Variants in ADAM32 observed in about 807,000 individuals in gnomAD.
ADAM32 encodes the protein ADAM metallopeptidase domain 32, also known as disintegrin and metalloproteinase domain-containing protein 32.
A neutral mutation model predicts 114.9 loss-of-function variants in ADAM32; 89 were observed. The ratio of observed to expected loss-of-function variants is 0.77; its 90% CI spans 0.65 to 0.92. The LOEUF (loss-of-function observed/expected upper bound fraction) is 0.92. ADAM32 is among the 40% of genes least tolerant of loss of function. The pLI is 0.00. For synonymous variants in ADAM32, 285 were observed against 307.5 expected (o/e 0.93, Z 0.77); for missense variants, 870 against 932.8 (o/e 0.93, Z 0.88).
chr8:39,129,260 AAG>A (rs1233117921), intron 2 of ADAM32, among the ~76,000 whole-genome samples: 3 of 151,836 alleles, frequency 2.0e-5, no homozygotes, highest in Non-Finnish European at 4.4e-5. Context: ...TGGAAATGGT[AAG>A]AGGGGGCATT....
At chr8:39,226,268 C>T (rs905486382) in intron 14 of ADAM32, among the ~76,000 whole-genome samples, 1 of 151,976 alleles carries the variant, frequency 6.6e-6, no homozygotes, top group Non-Finnish European at 1.5e-5. Flanking sequence ...AGAAAGCTAA[C>T]ATTCTCATTA....
chr8:39,140,740 C>G (rs945194555), intron 3 of ADAM32, among the ~76,000 whole-genome samples: 4 of 152,144 alleles, frequency 2.6e-5, no homozygotes, highest in Non-Finnish European at 4.4e-5. Context: ...ACCAGCTACT[C>G]TTTGTACCTC....
chr8:39,216,770 T>C (rs1808596745), intron 12 of ADAM32, among the ~76,000 whole-genome samples: 1 of 151,782 alleles, frequency 6.6e-6, no homozygotes, highest in Non-Finnish European at 1.5e-5. Context: ...TTTTCAACTT[T>C]TTGTTTTTTC....
intron 13 of ADAM32, among the ~76,000 whole-genome samples, chr8:39,222,496 T>C (rs1008394521): frequency 6.6e-6 from 1 of 152,070 alleles, no homozygotes; most frequent in African/African-American, 2.4e-5. Flanking sequence ...CACAATTCTA[T>C]GTATGAAAGA....
chr8:39,275,970 G>A (rs1585705785), intron 22 of ADAM32, 104 bp downstream of exon 22: 2 of 1,092,418 alleles, frequency 1.8e-6, no homozygotes, highest in Non-Finnish European at 2.6e-6. Flanking sequence ...TAACTGAGTA[G>A]CCACAATTAG....
At chr8:39,274,793 G>A (rs1812972916) in intron 21 of ADAM32, among the ~76,000 whole-genome samples, 1 of 152,180 alleles carries the variant, frequency 6.6e-6, no homozygotes, top group Non-Finnish European at 1.5e-5. Context: ...CAACATCAGA[G>A]AGCAATGCAT....
chr8:39,284,810 A>G lies in ADAM32; in HGVS notation c.*11A>G. The G allele has an allele frequency of 6.2e-7, 1 of 1,613,782 alleles. No homozygotes were observed. Among genetic ancestry groups the G allele is most frequent in the Non-Finnish European group, 8.5e-7 (1 of 1,179,742 alleles). On this transcript the variant is annotated 3_prime_UTR_variant, in exon 25 of 25. Transcript: ENST00000379907. ...TTCCACAGTAACTAGTGATTCCTTC[A>G]GAAGGCAACGGATAACATCGAGAGT...
chr8:39,107,874 C>G, intron 1 of ADAM32, 41 bp downstream of exon 1: 2 of 1,496,646 alleles, frequency 1.3e-6, no homozygotes, highest in South Asian at 1.3e-5. Flanking sequence ...GGGCGCTCGT[C>G]ACACTGCGGC....
At chr8:39,151,293 AT>A (rs903671749) in intron 5 of ADAM32, 83 bp from the exon 6 acceptor site, 85 of 1,196,462 alleles carry the variant, frequency 7.1e-5, no homozygotes, top group Admixed American at 1.1e-4. Flanking sequence ...AAAACGTTTT[AT>A]TTTTTTTTCT....
At chr8:39,234,371 A>G (rs111817166) in intron 16 of ADAM32, among the ~76,000 whole-genome samples, 2,842 of 150,400 alleles carry the variant, frequency 0.019, 47 homozygotes, top group Non-Finnish European at 0.031. Context: ...TAAGAACCTC[A>G]TAGCATGGGA....
intron 2 of ADAM32, among the ~76,000 whole-genome samples, chr8:39,128,736 C>T (rs773533767): frequency 1.9e-4 from 29 of 152,170 alleles, no homozygotes; most frequent in Non-Finnish European, 3.2e-4. Context: ...TCAGCATTTG[C>T]TTGTCTGGAA....
chr8:39,184,496 T>C (rs1806098351), intron 10 of ADAM32, among the ~76,000 whole-genome samples: 1 of 152,250 alleles, frequency 6.6e-6, no homozygotes, highest in Non-Finnish European at 1.5e-5. Context: ...TCCATAAGCC[T>C]GCACTTAGAC....
chr8:39,113,255 G>A (rs188768646), intron 1 of ADAM32, among the ~76,000 whole-genome samples: 31 of 152,274 alleles, frequency 2.0e-4, no homozygotes, highest in African/African-American at 7.2e-4. Flanking sequence ...AGGCCTAGGC[G>A]AGCTGCCAGA....
At position 39,235,614 on chromosome 8, in the gene ADAM32, G is replaced by T. The variant is rs535065662; in HGVS notation, c.1818+1532G>T. ...TTAATAACCCAGACAATTCTTCTCA[G>T]AAATAATGTGTAAAAACAAATTTTA... On this transcript the variant is annotated intron_variant, in intron 16 of 24. Transcript: ENST00000379907. Among the ~76,000 whole-genome samples the T allele has an allele frequency of 3.8e-4, 58 of 152,194 alleles. No homozygotes were observed. In the East Asian group the frequency reaches 0.01, roughly 27 times the overall value.
At chr8:39,221,330 T>C (rs1808944898) in intron 12 of ADAM32, 2 of 291,986 alleles carry the variant, frequency 6.8e-6, no homozygotes, top group Admixed American at 4.8e-5. Context: ...TAGCATATAG[T>C]GAGGTCTCGC....
intron 11 of ADAM32, among the ~76,000 whole-genome samples, chr8:39,206,648 A>C (rs1318143430): frequency 6.6e-6 from 1 of 152,118 alleles, no homozygotes; most frequent in Non-Finnish European, 1.5e-5. Flanking sequence ...CCTTGAGGTC[A>C]CCTTCTTGGT....
At chr8:39,206,027 C>G in intron 11 of ADAM32, among the ~76,000 whole-genome samples, 1 of 152,146 alleles carries the variant, frequency 6.6e-6, no homozygotes, top group South Asian at 2.1e-4. Context: ...AATGAGTTGA[C>G]TTTCATGGGG....
At chr8:39,202,671 T>C (rs1453466180) in intron 11 of ADAM32, among the ~76,000 whole-genome samples, 1 of 152,212 alleles carries the variant, frequency 6.6e-6, no homozygotes, top group Non-Finnish European at 1.5e-5. Context: ...TGCCTTCTGC[T>C]AGCTTTTGAA....
chr8:39,248,316 C>T (rs1193279123), intron 17 of ADAM32, among the ~76,000 whole-genome samples: 2 of 152,274 alleles, frequency 1.3e-5, no homozygotes, highest in East Asian at 3.9e-4. Flanking sequence ...TCTTTCTATC[C>T]ATTCACATGT....
Sources: allele counts gnomAD v4.1 joint callset (sites outside exome capture counted in the v4.1 genomes callset), GRCh38; gene constraint gnomAD v4.1.1; transcripts MANE v1.5; gene names NCBI Gene and HGNC (gene_info 2026-07-23, HGNC 2026-07-21).